Variants in DNAH8 observed in about 807,000 individuals in gnomAD.
DNAH8 encodes the protein axonemal beta dynein heavy chain 8.
In DNAH8, 382 loss-of-function variants were observed where a neutral mutation model predicts 562.1. The ratio of observed to expected loss-of-function variants is 0.68; its 90% CI spans 0.63 to 0.74. The LOEUF (loss-of-function observed/expected upper bound fraction) is 0.74, where lower values mean the gene tolerates loss of function less well. Ranked by LOEUF, DNAH8 falls within the 30% of genes least tolerant of loss-of-function variation. The probability of loss-of-function intolerance (pLI) is 0.00; values close to 1 mark genes in which losing one functional copy is unlikely to be tolerated. For synonymous variants in DNAH8, 1,881 were observed against 1,919.4 expected, an observed-to-expected ratio of 0.98 and a Z score of 0.52; for missense variants, 5,203 against 5,620.4, an observed-to-expected ratio of 0.93 and a Z score of 2.37.
At chr6:38,793,539 T>C (rs1407441339) in intron 21 of DNAH8, among the ~76,000 whole-genome samples, 3 of 152,218 alleles carry the variant, frequency 2.0e-5, no homozygotes, top group Admixed American at 6.5e-5. Context: ...TTTTAGATTT[T>C]GTTCTTGTAA....
chr6:38,890,930 A>G (rs1005724006), intron 58 of DNAH8, among the ~76,000 whole-genome samples, 169 bp downstream of exon 58: 6 of 152,238 alleles, frequency 3.9e-5, no homozygotes, highest in African/African-American at 1.4e-4. Flanking sequence ...CAGGGAGCAA[A>G]TGATCTGACT....
At position 38,886,900 on chromosome 6, in the gene DNAH8, T is replaced by G; in HGVS notation, c.8369T>G (p.Ile2790Ser). Residue 2790 changes from isoleucine to serine, a missense_variant, in exon 57 of 93, where the codon ATC becomes AGC. Ile to Ser is a moderately radical substitution (Grantham distance 142, BLOSUM62 -2). Transcript: ENST00000327475. ...GATGTGCAGCTCATAGCAGCAATGATCCACCCTGGAGGTGGTCGAAATGAT... is the reference window on the plus strand; with the variant it reads ...GATGTGCAGCTCATAGCAGCAATGAGCCACCCTGGAGGTGGTCGAAATGAT... The part of the protein sequence containing the change: ...IVDVQLIAAM[I>S]HPGGGRNDIP... The G allele has an allele frequency of 1.2e-6, 2 of 1,613,926 alleles. No individual in the cohort carries two copies. Among genetic ancestry groups the G allele is most frequent in the South Asian group, 2.2e-5 (2 of 91,084 alleles).
chr6:38,742,897 A>G (rs1449417606), intron 8 of DNAH8, among the ~76,000 whole-genome samples: 2 of 151,914 alleles, frequency 1.3e-5, no homozygotes, highest in African/African-American at 2.4e-5. Flanking sequence ...ATGTCATAGC[A>G]TAATATTTTT....
At chr6:38,848,504 C>T in intron 36 of DNAH8, 144 bp from the exon 37 acceptor site, 1 of 611,420 alleles carries the variant, frequency 1.6e-6, no homozygotes, top group South Asian at 2.2e-5. Flanking sequence ...TTTTTATTAG[C>T]TGTATGATAT....
intron 21 of DNAH8, among the ~76,000 whole-genome samples, chr6:38,797,893 G>A (rs551221223): frequency 1.3e-5 from 2 of 152,186 alleles, no homozygotes; most frequent in Admixed American, 1.3e-4. Flanking sequence ...CTTAGTCGGT[G>A]TCTCCATCAC....
intron 13 of DNAH8, among the ~76,000 whole-genome samples, chr6:38,776,187 G>C: frequency 6.6e-6 from 1 of 151,234 alleles, no homozygotes; most frequent in Admixed American, 6.6e-5. Context: ...AGAGTAACTA[G>C]AAGCCCAAAG....
intron 87 of DNAH8, among the ~76,000 whole-genome samples, chr6:38,986,600 T>G (rs1357850814): frequency 6.6e-6 from 1 of 152,246 alleles, no homozygotes; most frequent in African/African-American, 2.4e-5. Flanking sequence ...TTAATAAGTA[T>G]ACTTTGTTAG....
rs150157736 is a variant in DNAH8, at chr6:38,959,868, A to G, written c.12451+8348A>G. Among the ~76,000 whole-genome samples the G allele has an allele frequency of 4.2e-3, 645 of 152,210 alleles. 5 individuals carry two copies. The highest frequency in any genetic ancestry group is 0.014 in the African/African-American group (596 of 41,560). Reference sequence around the variant, plus strand: ...ACCAAACTACCTGACTTCAAAATGTACTACAAAGCAATAGTAACCAAAACA... The same window carrying G: ...ACCAAACTACCTGACTTCAAAATGTGCTACAAAGCAATAGTAACCAAAACA... On this transcript the variant is annotated intron_variant, in intron 82 of 92. Transcript: ENST00000327475.
intron 49 of DNAH8, among the ~76,000 whole-genome samples, chr6:38,871,417 A>G (rs1009347378): frequency 1.3e-5 from 2 of 152,218 alleles, no homozygotes; most frequent in African/African-American, 4.8e-5. Context: ...TGCATACAGT[A>G]TACTGAGTTT....
At chr6:38,941,740 T>C (rs1440214668) in intron 79 of DNAH8, among the ~76,000 whole-genome samples, 3 of 152,138 alleles carry the variant, frequency 2.0e-5, no homozygotes, top group Non-Finnish European at 4.4e-5. Flanking sequence ...GCCCTGGTAT[T>C]GTATGATGCT....
At chr6:38,942,113 C>G (rs1429338019) in intron 79 of DNAH8, among the ~76,000 whole-genome samples, 1 of 152,180 alleles carries the variant, frequency 6.6e-6, no homozygotes, top group Non-Finnish European at 1.5e-5. Context: ...GGGTCTTGAT[C>G]TTGGACTCCC....
At chr6:38,967,363 T>A (rs55755128) in intron 82 of DNAH8, among the ~76,000 whole-genome samples, 6,321 of 151,612 alleles carry the variant, frequency 0.042, 431 homozygotes, top group African/African-American at 0.14. Flanking sequence ...GATTGTGACA[T>A]GAATTTGTGC....
At chr6:38,867,950 C>A in intron 47 of DNAH8, 112 bp from the exon 48 acceptor site, 1 of 1,111,230 alleles carries the variant, frequency 9.0e-7, no homozygotes, top group Non-Finnish European at 1.3e-6. Flanking sequence ...CTTAGTCACC[C>A]CAAAACTATC....
At chr6:38,948,174 A>G (rs1761585401) in intron 80 of DNAH8, among the ~76,000 whole-genome samples, 1 of 152,190 alleles carries the variant, frequency 6.6e-6, no homozygotes, top group Non-Finnish European at 1.5e-5. Context: ...CACCACAGAT[A>G]TGAGACTTTG....
intron 49 of DNAH8, among the ~76,000 whole-genome samples, chr6:38,870,875 A>G (rs1160140755): frequency 6.6e-6 from 1 of 152,198 alleles, no homozygotes; most frequent in Non-Finnish European, 1.5e-5. Context: ...TCTTGTGCCA[A>G]TCTGATAGTA....
chr6:38,749,296 C>G (rs1765223147), intron 8 of DNAH8, among the ~76,000 whole-genome samples: 1 of 152,104 alleles, frequency 6.6e-6, no homozygotes, highest in Non-Finnish European at 1.5e-5. Context: ...ACCACATGTA[C>G]TCACTCATAA....
chr6:38,726,918 C>T (rs1303980683), intron 3 of DNAH8, among the ~76,000 whole-genome samples: 1 of 139,426 alleles, frequency 7.2e-6, no homozygotes, highest in Non-Finnish European at 1.5e-5. Flanking sequence ...AGTGCAGTGG[C>T]ACGATCTCAG....
intron 31 of DNAH8, 143 bp downstream of exon 31, chr6:38,832,578 GCTAATC>G (rs1773932832): frequency 1.8e-6 from 1 of 557,330 alleles, no homozygotes; most frequent in Non-Finnish European, 3.2e-6. Context: ...AAAGGGGATA[GCTAATC>G]CTTTAAACCA....
intron 21 of DNAH8, among the ~76,000 whole-genome samples, chr6:38,795,158 G>A (rs980118285): frequency 2.6e-5 from 4 of 152,142 alleles, no homozygotes; most frequent in African/African-American, 9.7e-5. Flanking sequence ...GTACAATTTA[G>A]TGGCATTAGG....
Sources: allele counts gnomAD v4.1 joint callset (sites outside exome capture counted in the v4.1 genomes callset), GRCh38; gene constraint gnomAD v4.1.1; transcripts MANE v1.5; gene names NCBI Gene and HGNC (gene_info 2026-07-23, HGNC 2026-07-21).